KLHDC2: variants seen among roughly 807,000 people sequenced by gnomAD.
The protein encoded by KLHDC2 is kelch domain containing 2, also known as kelch domain-containing protein 2.
Under a neutral mutation model 62.3 loss-of-function variants are expected in KLHDC2, and 38 were observed. The observed-to-expected ratio is 0.61, with a 90% CI of 0.47 to 0.80. The LOEUF (loss-of-function observed/expected upper bound fraction) is 0.80, where lower values mean the gene tolerates loss of function less well. Among genes scored for constraint, KLHDC2 ranks in the 30% least tolerant of loss-of-function variants. KLHDC2 has a pLI of 0.00. For missense variants in KLHDC2, 430 were observed against 495.3 expected (o/e 0.87, Z 1.25); for synonymous variants, 159 against 161.0 (o/e 0.99, Z 0.09).
chr14:49,769,579 T>A (rs1049225932), intron 1 of KLHDC2, among the ~76,000 whole-genome samples: 5 of 152,216 alleles, frequency 3.3e-5, no homozygotes, highest in Non-Finnish European at 5.9e-5. Flanking sequence ...ACTGCAAAAG[T>A]AATTTTTTGC....
intron 10 of KLHDC2, 181 bp from the exon 11 acceptor site, chr14:49,782,189 T>G (rs894880437): frequency 3.7e-6 from 2 of 539,240 alleles, no homozygotes; most frequent in Non-Finnish European, 6.6e-6. Context: ...AATATCCAGA[T>G]AAAATAGATA....
At position 49,774,937 on chromosome 14, in the gene KLHDC2, CTTG is replaced by C. The variant is rs1237535198; in HGVS notation, c.351+262_351+264del. On this transcript the variant is annotated intron_variant, in intron 3 of 12. Coordinates refer to ENST00000298307, the MANE Select transcript of KLHDC2 (RefSeq NM_014315.3). ...TTTTTCTTTGTGCTTTTTGCAGCTA[CTTG>C]TTCTCTTAGAACCTTAAATGTTAGA... 4.7e-5 allele frequency: 20 copies of C among 422,378 alleles called. No homozygotes were observed. The East Asian group carries it at 9.1e-4, about 19-fold the overall frequency. 26.2% of individuals were successfully genotyped at this position (422,378 alleles called of 1,614,324 possible).
chr14:49,769,606 G>T (rs1005354604), intron 1 of KLHDC2, among the ~76,000 whole-genome samples: 2 of 152,114 alleles, frequency 1.3e-5, no homozygotes, highest in Admixed American at 1.3e-4. Context: ...TAATGAATCT[G>T]CAGTGTTTTC....
At chr14:49,782,345 A>G (rs1326376391) in intron 10 of KLHDC2, 25 bp from the exon 11 acceptor site, 2 of 1,565,428 alleles carry the variant, frequency 1.3e-6, no homozygotes, top group African/African-American at 2.7e-5. Flanking sequence ...GGGTGGCTTC[A>G]AACTCGTTTT....
rs1276375468 is a variant in KLHDC2, at chr14:49,779,648, A to C, written c.687A>C (p.Arg229Ser). Residue 229 changes from arginine to serine, a missense_variant, in exon 7 of 13, where the codon AGA becomes AGC. Arg to Ser is a moderately radical substitution (Grantham distance 110, BLOSUM62 -1). Transcript: ENST00000298307. The part of the protein sequence containing the change: ...AAHACATVGN[R>S]GFVFGGRYRD... ...ATGCCTGTGCAACTGTCGGAAATAG[A>C]GGCTTCGTGTTTGGAGGCAGATATC... is the stretch of plus-strand genomic sequence containing the variant. 1.2e-6 allele frequency: 2 copies of C among 1,614,172 alleles called. No homozygotes were observed. Among genetic ancestry groups the C allele is most frequent in the Admixed American group, 3.3e-5 (2 of 60,014 alleles).
chr14:49,769,059 G>C (rs1889605966), intron 1 of KLHDC2: 1 of 157,494 alleles, frequency 6.3e-6, no homozygotes, highest in African/African-American at 2.4e-5. Context: ...CTTACAGGGA[G>C]GCCGAGGTGT....
chr14:49,773,020 A>G (rs1016149525), intron 2 of KLHDC2, among the ~76,000 whole-genome samples: 2 of 152,234 alleles, frequency 1.3e-5, no homozygotes, highest in African/African-American at 4.8e-5. Context: ...GTATATAACA[A>G]ATTGGTGTTA....
rs1173668512 is a variant in KLHDC2 at position 49,768,413 on chromosome 14, T to A, written c.-56T>A. On this transcript the variant is annotated 5_prime_UTR_variant, in exon 1 of 13. Transcript: ENST00000298307. ...GTGCATTTCTCTCCTTTTCCTTTGT[T>A]TTTTTGGCCCCTCGCGGGTGTGGGC... 17 of 1,572,456 alleles carry A rather than the reference T, an allele frequency of 1.1e-5. No individual in the cohort carries two copies. In the South Asian group the frequency reaches 1.2e-4, roughly 11 times the overall value.
rs1304250753 is a variant in KLHDC2, at chr14:49,779,708, T to C, written c.714+33T>C. 4 of 1,611,132 alleles carry C rather than the reference T, an allele frequency of 2.5e-6. 1 individual carries two copies. The Admixed American group carries it at 6.7e-5, about 27-fold the overall frequency. On this transcript the variant is annotated intron_variant, in intron 7 of 12. Transcript: ENST00000298307. Reference sequence around the variant, plus strand: ...TTCAAACGACTTCAATGACTTGCTTTTGAATTCTTCAAAATGATAACTTAA... The same window carrying C: ...TTCAAACGACTTCAATGACTTGCTTCTGAATTCTTCAAAATGATAACTTAA...
Position 49,784,420 on chromosome 14 carries a change from C to G in KLHDC2, c.*1467C>G. On this transcript the variant is annotated 3_prime_UTR_variant, in exon 13 of 13. Coordinates refer to ENST00000298307, the MANE Select transcript of KLHDC2 (RefSeq NM_014315.3). The stretch of plus-strand genomic sequence containing the variant: ...CAGATGTATATTAATTAGCATTTAA[C>G]TGTCCACAAATACTTTTGGAAATCC... 2.2e-6 allele frequency: 1 copy of G among 450,742 alleles called. No individual in the cohort carries two copies. The highest frequency in any genetic ancestry group is 3.9e-6 in the Non-Finnish European group (1 of 254,334). The allele number at this position is 450,742 out of a possible 1,614,324, so 27.9% of individuals were successfully genotyped here. A position where few individuals can be genotyped will look rare whatever the true frequency, so the allele number is the denominator to read the frequency against.
chr14:49,784,585 CA>C lies in KLHDC2; in HGVS notation c.*1636del. On this transcript the variant is annotated 3_prime_UTR_variant, in exon 13 of 13. Transcript: ENST00000298307. ...CATGGTGCTTTCATCTTTGAACTTC[CA>C]AAAGGCTATAAAATTGGCTCTTCTC... 5 of 1,316,372 alleles carry C rather than the reference CA, an allele frequency of 3.8e-6. No homozygotes were observed. Among genetic ancestry groups the C allele is most frequent in the Non-Finnish European group, 5.4e-6 (5 of 921,692 alleles). 81.5% of individuals were successfully genotyped at this position (1,316,372 alleles called of 1,614,324 possible). A position where few individuals can be genotyped will look rare whatever the true frequency, so the allele number is the denominator to read the frequency against.
chr14:49,784,520 G>T lies in KLHDC2; in HGVS notation c.*1567G>T. 1 of 696,448 alleles carries T rather than the reference G, an allele frequency of 1.4e-6. No individual in the cohort carries two copies. The highest frequency in any genetic ancestry group is 2.4e-6 in the Non-Finnish European group (1 of 408,420). The allele number at this position is 696,448 out of a possible 1,614,324, so 43.1% of individuals were successfully genotyped here. On this transcript the variant is annotated 3_prime_UTR_variant, in exon 13 of 13. Coordinates refer to ENST00000298307, the MANE Select transcript of KLHDC2 (RefSeq NM_014315.3). ...AAGTCCTTTTGGTGAATATAGCAAGGCAATGTTTAGTTCATTTTTATAATG... is the reference window on the plus strand; with the variant it reads ...AAGTCCTTTTGGTGAATATAGCAAGTCAATGTTTAGTTCATTTTTATAATG...
chr14:49,771,284 C>T (rs935500941), intron 1 of KLHDC2, among the ~76,000 whole-genome samples: 2 of 151,498 alleles, frequency 1.3e-5, no homozygotes, highest in Non-Finnish European at 2.9e-5. Flanking sequence ...AGGAGGTGGA[C>T]ATTGCAGTGA....
At chr14:49,775,205 TAA>T (rs1799603840) in intron 3 of KLHDC2, among the ~76,000 whole-genome samples, 1 of 152,312 alleles carries the variant, frequency 6.6e-6, no homozygotes, top group African/African-American at 2.4e-5. Context: ...AGAGACAGAT[TAA>T]GTCAATCAGA....
intron 1 of KLHDC2, 115 bp from the exon 2 acceptor site, chr14:49,771,479 T>C (rs868261868): frequency 2.8e-5 from 17 of 603,616 alleles, no homozygotes; most frequent in Middle Eastern, 4.5e-4. Context: ...TTGTGCACTG[T>C]AATACCTATT....
Position 49,784,566 on chromosome 14 carries a change from G to A in KLHDC2, c.*1613G>A, listed in dbSNP as rs1301888738. The A allele has an allele frequency of 9.8e-7, 1 of 1,017,896 alleles. No individual in the cohort carries two copies. The highest frequency in any genetic ancestry group is 1.6e-5 in the African/African-American group (1 of 62,742). 63.1% of individuals were successfully genotyped at this position (1,017,896 alleles called of 1,614,324 possible). ...TAATGCGGAAATCCTGATACATGGTGCTTTCATCTTTGAACTTCCAAAAGG... is the reference window on the plus strand; with the variant it reads ...TAATGCGGAAATCCTGATACATGGTACTTTCATCTTTGAACTTCCAAAAGG... On this transcript the variant is annotated 3_prime_UTR_variant, in exon 13 of 13. Coordinates refer to ENST00000298307, the MANE Select transcript of KLHDC2 (RefSeq NM_014315.3).
rs1430888668 is a variant in KLHDC2 at position 49,782,464 on chromosome 14, A to G, written c.1044+7A>G. On this transcript the variant is annotated splice_region_variant and intron_variant, in intron 11 of 12. Coordinates refer to ENST00000298307, the MANE Select transcript of KLHDC2 (RefSeq NM_014315.3). ...GCTTGTCCATCACAGAGCTGTAAGT[A>G]TACTACCTTCACATTATTACTGAAA... The G allele has an allele frequency of 2.7e-5, 43 of 1,606,454 alleles. No homozygotes were observed. The East Asian group carries it at 9.4e-4, about 35-fold the overall frequency.
chr14:49,781,565 C>T (rs1411023662), intron 10 of KLHDC2, among the ~76,000 whole-genome samples: 1 of 151,726 alleles, frequency 6.6e-6, no homozygotes, highest in Non-Finnish European at 1.5e-5. Flanking sequence ...CCCATCTCTA[C>T]AAATAATAGA....
At chr14:49,770,105 A>G (rs1017730227) in intron 1 of KLHDC2, among the ~76,000 whole-genome samples, 2 of 152,084 alleles carry the variant, frequency 1.3e-5, no homozygotes, top group African/African-American at 4.8e-5. Context: ...AGCATGAGAG[A>G]ATAAGACTTT....
Sources: gnomAD v4.1 joint callset for allele counts (sites outside exome capture counted in the v4.1 genomes callset) on GRCh38, gnomAD v4.1.1 for gene constraint, MANE v1.5 for transcripts, NCBI Gene and HGNC (gene_info 2026-07-23, HGNC 2026-07-21) for gene names.